The following NCAPH2 variants were observed in gnomAD, a reference collection of about 807,000 sequenced individuals.
NCAPH2 encodes non-SMC condensin II complex subunit H2.
NCAPH2 carries 56 observed loss-of-function variants against 88.6 expected under a neutral mutation model. That is an observed-to-expected ratio of 0.63 (90% CI 0.51 to 0.79). The LOEUF (loss-of-function observed/expected upper bound fraction) is 0.79, where lower values mean the gene tolerates loss of function less well. Ranked by LOEUF, NCAPH2 falls within the 30% of genes least tolerant of loss-of-function variation. The pLI is 0.00. For missense variants in NCAPH2, 794 were observed against 792.0 expected (o/e 1.00, Z -0.03); for synonymous variants, 378 against 313.6 (o/e 1.21, Z -2.17).
At chr22:50,515,956 C>T (rs890376471) in intron 1 of NCAPH2, among the ~76,000 whole-genome samples, 3 of 151,776 alleles carry the variant, frequency 2.0e-5, no homozygotes, top group Admixed American at 1.3e-4. Flanking sequence ...GCGCCTGGCG[C>T]ACTGACGTTT....
At position 50,523,227 on chromosome 22, in the gene NCAPH2, C is replaced by G; in HGVS notation, c.1678-8C>G. 6.2e-7 allele frequency: 1 copy of G among 1,613,288 alleles called. No individual in the cohort carries two copies. The highest frequency in any genetic ancestry group is 1.1e-5 in the South Asian group (1 of 90,946). On this transcript the variant is annotated splice_region_variant and splice_polypyrimidine_tract_variant and intron_variant, in intron 19 of 19. Coordinates refer to ENST00000420993, the MANE Select transcript of NCAPH2 (RefSeq NM_152299.4). Reference sequence around the variant, plus strand: ...TCCCCAGACCCTGCTGATGTGCCACCCCTGCAGGCCAATGACTACACAGTG... The same window carrying G: ...TCCCCAGACCCTGCTGATGTGCCACGCCTGCAGGCCAATGACTACACAGTG...
At position 50,517,751 on chromosome 22, in the gene NCAPH2, T is replaced by C; in HGVS notation, c.362T>C (p.Leu121Pro). 1 of 1,614,056 alleles carries C rather than the reference T, an allele frequency of 6.2e-7. No homozygotes were observed. The highest frequency in any genetic ancestry group is 8.5e-7 in the Non-Finnish European group (1 of 1,180,038). Residue 121 changes from leucine (L) to proline (P), a missense_variant, in exon 5 of 20, where the codon CTG (leucine) becomes CCG (proline). Coordinates refer to ENST00000420993, the MANE Select transcript of NCAPH2 (RefSeq NM_152299.4). Reference protein sequence around the residue: ...PQEAENEFLSLDDFPDSRTNV... With the variant: ...PQEAENEFLSPDDFPDSRTNV... Reference sequence around the variant, plus strand: ...TCTGTCTCCCTCCAGTTCCTGTCGCTGGATGACTTCCCTGACTCCCGGACT... The same window carrying C: ...TCTGTCTCCCTCCAGTTCCTGTCGCCGGATGACTTCCCTGACTCCCGGACT...
rs763127644 is a variant in NCAPH2, at chr22:50,522,150, G to A, written c.1163-31G>A. ...GACTGGCACGGGGCCTGGGAAGGAC[G>A]AGGGAGCCCTCACAAGGCCTTTGTC... On this transcript the variant is annotated intron_variant, in intron 13 of 19. Transcript: ENST00000420993. The A allele has an allele frequency of 2.4e-5, 38 of 1,611,666 alleles. No homozygotes were observed. In the Middle Eastern group the frequency reaches 4.9e-4, roughly 21 times the overall value.
chr22:50,515,644 C>T (rs1340884360), intron 1 of NCAPH2: 5 of 1,134,014 alleles, frequency 4.4e-6, no homozygotes, highest in South Asian at 1.4e-5. Context: ...GATCTGCCCG[C>T]CTCGGCCTCC....
At position 50,524,123 on chromosome 22, in the gene NCAPH2, C is replaced by A. The variant is rs769765505; in HGVS notation, c.*748C>A. The A allele has an allele frequency of 5.0e-6, 8 of 1,612,626 alleles. No individual in the cohort carries two copies. In the African/African-American group the frequency reaches 1.1e-4, roughly 22 times the overall value. On this transcript the variant is annotated 3_prime_UTR_variant, in exon 20 of 20. Coordinates refer to ENST00000420993, the MANE Select transcript of NCAPH2 (RefSeq NM_152299.4). ...TGGAAGTCGCCCTGGCCCACAGCTG[C>A]CTGGCGCAGGGCTTCTGTTCGCTTT... is the stretch of plus-strand genomic sequence containing the variant.
At position 50,508,292 on chromosome 22, in the gene NCAPH2, C is replaced by T. The variant is rs1418126584; in HGVS notation, c.-46C>T. 6.4e-6 allele frequency: 9 copies of T among 1,398,752 alleles called. No individual in the cohort carries two copies. Among genetic ancestry groups the T allele is most frequent in the Non-Finnish European group, 8.5e-6 (9 of 1,057,130 alleles). 86.6% of individuals were successfully genotyped at this position (1,398,752 alleles called of 1,614,324 possible). ...GGCGGGCTGAGGACGCCGTACCCCTCGGAAGGCAGCCCTGCGGTCCCTTTG... is the reference window on the plus strand; with the variant it reads ...GGCGGGCTGAGGACGCCGTACCCCTTGGAAGGCAGCCCTGCGGTCCCTTTG... On this transcript the variant is annotated 5_prime_UTR_variant, in exon 1 of 20. Coordinates refer to ENST00000420993, the MANE Select transcript of NCAPH2 (RefSeq NM_152299.4).
At chr22:50,509,507 C>T (rs1010016737) in intron 1 of NCAPH2, among the ~76,000 whole-genome samples, 20 of 152,176 alleles carry the variant, frequency 1.3e-4, no homozygotes, top group African/African-American at 4.6e-4. Flanking sequence ...CCATGAATTC[C>T]ATCAGTTATA....
In NCAPH2 at chr22:50,508,361, C is replaced by T; in HGVS notation, c.24C>T (p.Phe8=). 2 of 1,482,566 alleles carry T rather than the reference C, an allele frequency of 1.3e-6. No homozygotes were observed. The highest frequency in any genetic ancestry group is 1.8e-4 in the Middle Eastern group (1 of 5,638). The allele number at this position is 1,482,566 out of a possible 1,614,324, so 91.8% of individuals were successfully genotyped here. A position where few individuals can be genotyped will look rare whatever the true frequency, so the allele number is the denominator to read the frequency against. The change falls in exon 1 of 20, where the codon TTC becomes TTT. Residue 8 remains phenylalanine, a synonymous_variant. Coordinates refer to ENST00000420993, the MANE Select transcript of NCAPH2 (RefSeq NM_152299.4). The part of the protein sequence containing the change: MEDVEAR[F]AHLLQPIRDL... Reference sequence around the variant, plus strand: ...ACATGGAGGACGTGGAGGCGCGCTTCGCCCACCTCTTGCAGCCCATCCGCG... The same window carrying T: ...ACATGGAGGACGTGGAGGCGCGCTTTGCCCACCTCTTGCAGCCCATCCGCG...
In NCAPH2 at chr22:50,523,813, T is replaced by C; in HGVS notation, c.*438T>C. ...GTACACGCGGTAACTGTGACTAGCC[T>C]GGGCAACCTGTTTGGTGGAGCCGGT... On this transcript the variant is annotated 3_prime_UTR_variant, in exon 20 of 20. Transcript: ENST00000420993. 6.2e-7 allele frequency: 1 copy of C among 1,614,118 alleles called. No homozygotes were observed. The highest frequency in any genetic ancestry group is 1.1e-5 in the South Asian group (1 of 91,084).
intron 1 of NCAPH2, among the ~76,000 whole-genome samples, chr22:50,509,573 C>G (rs1304279656): frequency 6.6e-6 from 1 of 152,186 alleles, no homozygotes; most frequent in African/African-American, 2.4e-5. Context: ...TCTAGGCCAC[C>G]ATTGTCTCTG....
intron 1 of NCAPH2, among the ~76,000 whole-genome samples, chr22:50,509,290 C>T (rs1368236736): frequency 6.6e-6 from 1 of 152,158 alleles, no homozygotes; most frequent in Admixed American, 6.6e-5. Flanking sequence ...TAGATCTTTC[C>T]TCCAAATCTA....
At position 50,524,272 on chromosome 22, in the gene NCAPH2, C is replaced by T. The variant is rs2069228040; in HGVS notation, c.*897C>T. The T allele has an allele frequency of 6.2e-7, 1 of 1,604,182 alleles. No individual in the cohort carries two copies. Among genetic ancestry groups the T allele is most frequent in the South Asian group, 1.1e-5 (1 of 91,064 alleles). Reference sequence around the variant, plus strand: ...AGGGCCCTGGGGCTGGCCCTGCCCACCTGTCTCTGCAGGGCCCTGCCTTGA... The same window carrying T: ...AGGGCCCTGGGGCTGGCCCTGCCCATCTGTCTCTGCAGGGCCCTGCCTTGA... On this transcript the variant is annotated 3_prime_UTR_variant, in exon 20 of 20. Transcript: ENST00000420993.
chr22:50,516,938 C>T (rs1183014286), intron 2 of NCAPH2, among the ~76,000 whole-genome samples: 2 of 152,230 alleles, frequency 1.3e-5, no homozygotes, highest in African/African-American at 4.8e-5. Context: ...AGGAGAAGGA[C>T]AGGAAGTGAG....
rs772478239 is a variant in NCAPH2, at chr22:50,517,923, C to T, written c.421-50C>T. On this transcript the variant is annotated intron_variant, in intron 5 of 19. Transcript: ENST00000420993. The stretch of plus-strand genomic sequence containing the variant: ...CATTGCCCCATGTGGGTCCTGTTCT[C>T]CACTGGAGTGGAAGGGTGCCTGGCT... 2.5e-6 allele frequency: 4 copies of T among 1,605,678 alleles called. No individual in the cohort carries two copies. The South Asian group carries it at 3.3e-5, about 13-fold the overall frequency.
chr22:50,521,976 T>G lies in NCAPH2; in HGVS notation c.1109-10T>G. On this transcript the variant is annotated splice_polypyrimidine_tract_variant and intron_variant, in intron 12 of 19. Transcript: ENST00000420993. ...TTGGCCTGGCTGGTGCTGAGCATGT[T>G]CTTTCACAGATGCAGACCATGCCGA... is the stretch of plus-strand genomic sequence containing the variant. The G allele has an allele frequency of 6.2e-7, 1 of 1,613,928 alleles. No individual in the cohort carries two copies. Among genetic ancestry groups the G allele is most frequent in the Non-Finnish European group, 8.5e-7 (1 of 1,179,922 alleles).
Position 50,524,047 on chromosome 22 carries a change from T to C in NCAPH2, c.*672T>C. 1 of 1,613,440 alleles carries C rather than the reference T, an allele frequency of 6.2e-7. No homozygotes were observed. The highest frequency in any genetic ancestry group is 8.5e-7 in the Non-Finnish European group (1 of 1,180,012). On this transcript the variant is annotated 3_prime_UTR_variant, in exon 20 of 20. Coordinates refer to ENST00000420993, the MANE Select transcript of NCAPH2 (RefSeq NM_152299.4). ...GAAGCCAAAGTACATCAGCACCCACTGGCCCCGGAAGTCAGCCTTGCAGCG... is the reference window on the plus strand; with the variant it reads ...GAAGCCAAAGTACATCAGCACCCACCGGCCCCGGAAGTCAGCCTTGCAGCG...
At chr22:50,519,833 C>T (rs934273745) in intron 9 of NCAPH2, 16 of 899,118 alleles carry the variant, frequency 1.8e-5, no homozygotes, top group Non-Finnish European at 1.9e-5. Flanking sequence ...TTCATTTTTC[C>T]TAGTTTTGAA....
At chr22:50,521,708 AGCG>A in intron 11 of NCAPH2, 30 bp from the exon 12 acceptor site, 1 of 1,612,842 alleles carries the variant, frequency 6.2e-7, no homozygotes, top group Non-Finnish European at 8.5e-7. Flanking sequence ...CTGATCCCCC[AGCG>A]GCTCTAAGAC....
chr22:50,524,039 G>A lies in NCAPH2; in HGVS notation c.*664G>A, dbSNP rs891656219. 7.4e-6 allele frequency: 12 copies of A among 1,613,394 alleles called. No individual in the cohort carries two copies. The highest frequency in any genetic ancestry group is 1.0e-5 in the Non-Finnish European group (12 of 1,180,030). The stretch of plus-strand genomic sequence containing the variant: ...CAGTGAGTGAAGCCAAAGTACATCA[G>A]CACCCACTGGCCCCGGAAGTCAGCC... On this transcript the variant is annotated 3_prime_UTR_variant, in exon 20 of 20. Coordinates refer to ENST00000420993, the MANE Select transcript of NCAPH2 (RefSeq NM_152299.4).
Sources: gnomAD v4.1 joint callset for allele counts (sites outside exome capture counted in the v4.1 genomes callset) on GRCh38, gnomAD v4.1.1 for gene constraint, MANE v1.5 for transcripts, NCBI Gene and HGNC (gene_info 2026-07-23, HGNC 2026-07-21) for gene names.